The following SPAG16 variants were observed in gnomAD, a reference collection of about 807,000 sequenced individuals.
SPAG16 encodes sperm associated antigen 16.
SPAG16 carries 86 observed loss-of-function variants against 80.4 expected under a neutral mutation model. The ratio of observed to expected loss-of-function variants is 1.07; its 90% CI spans 0.90 to 1.28. SPAG16 has a LOEUF of 1.28. Among genes scored for constraint, SPAG16 ranks in the 50% most tolerant of loss-of-function variants. The pLI is 0.00. For missense variants in SPAG16, 870 were observed against 765.3 expected, an observed-to-expected ratio of 1.14 and a Z score of -1.61; for synonymous variants, 294 against 265.9, an observed-to-expected ratio of 1.11 and a Z score of -1.03.
chr2:214,350,930 C>T (rs903317055), intron 15 of SPAG16, among the ~76,000 whole-genome samples: 3 of 152,108 alleles, frequency 2.0e-5, no homozygotes, highest in Non-Finnish European at 2.9e-5. Context: ...TGCCCCAAAA[C>T]ATCAGCTAAA....
At chr2:214,036,240 C>T (rs1016154564) in intron 13 of SPAG16, among the ~76,000 whole-genome samples, 4 of 152,052 alleles carry the variant, frequency 2.6e-5, no homozygotes, top group Non-Finnish European at 2.9e-5. Flanking sequence ...TTCAAGTAGG[C>T]CACAGTTGCC....
intron 10 of SPAG16, among the ~76,000 whole-genome samples, chr2:213,846,156 T>A (rs550745392): frequency 6.6e-6 from 1 of 152,298 alleles, no homozygotes; most frequent in East Asian, 1.9e-4. Flanking sequence ...ATTTTTAAGA[T>A]TGTTGAAAAT....
intron 10 of SPAG16, among the ~76,000 whole-genome samples, chr2:213,806,070 T>C (rs1200625553): frequency 6.6e-6 from 1 of 152,188 alleles, no homozygotes; most frequent in African/African-American, 2.4e-5. Context: ...TGATTGCTGA[T>C]ATAAAATTGA....
At chr2:214,349,767 T>C (rs1366220329) in intron 15 of SPAG16, among the ~76,000 whole-genome samples, 1 of 152,242 alleles carries the variant, frequency 6.6e-6, no homozygotes, top group Non-Finnish European at 1.5e-5. Flanking sequence ...TTTTTTGTTT[T>C]AGTTATTCTA....
At position 213,451,559 on chromosome 2, in the gene SPAG16, A is replaced by G. The variant is rs540573934; in HGVS notation, c.943-38404A>G. 6.8e-4 allele frequency among the ~76,000 whole-genome samples: 104 copies of G among 152,334 alleles called. No individual in the cohort carries two copies. In the South Asian group the frequency reaches 0.01, roughly 15 times the overall value. On this transcript the variant is annotated intron_variant, in intron 9 of 15. Transcript: ENST00000331683. ...TTTTGGTCTCATGGCCAAGGAAATC[A>G]AAGACTCAGACGCACACACGCATAG...
At chr2:213,756,371 C>T (rs570773194) in intron 10 of SPAG16, among the ~76,000 whole-genome samples, 1 of 152,188 alleles carries the variant, frequency 6.6e-6, no homozygotes, top group East Asian at 1.9e-4. Flanking sequence ...CTCCTGTAGT[C>T]CCAGCTATTC....
At chr2:213,799,253 AT>A (rs2125632248) in intron 10 of SPAG16, among the ~76,000 whole-genome samples, 1 of 152,208 alleles carries the variant, frequency 6.6e-6, no homozygotes, top group East Asian at 1.9e-4. Flanking sequence ...TCTTTCAGCA[AT>A]GTTTTATAGT....
At chr2:214,348,820 A>G (rs1266281428) in intron 15 of SPAG16, among the ~76,000 whole-genome samples, 1 of 152,236 alleles carries the variant, frequency 6.6e-6, no homozygotes, top group Non-Finnish European at 1.5e-5. Flanking sequence ...ATCATGAGCT[A>G]TAAGAATATG....
intron 3 of SPAG16, among the ~76,000 whole-genome samples, chr2:213,304,721 T>A (rs2062871370): frequency 6.6e-6 from 1 of 152,066 alleles, no homozygotes; most frequent in Admixed American, 6.6e-5. Context: ...TGCTCTGTTC[T>A]GTTGGTCTAT....
chr2:213,786,035 A>T (rs1020817119), intron 10 of SPAG16, among the ~76,000 whole-genome samples: 3 of 152,078 alleles, frequency 2.0e-5, no homozygotes, highest in African/African-American at 7.2e-5. Context: ...TTATATATAG[A>T]CAGCAATTCA....
intron 10 of SPAG16, among the ~76,000 whole-genome samples, chr2:213,597,146 A>C (rs1047198272): frequency 6.6e-6 from 1 of 152,196 alleles, no homozygotes; most frequent in African/African-American, 2.4e-5. Flanking sequence ...AATTCAGTAG[A>C]GGTGACTCAC....
chr2:213,737,817 T>G (rs1027869085), intron 10 of SPAG16, among the ~76,000 whole-genome samples: 1 of 152,182 alleles, frequency 6.6e-6, no homozygotes. Context: ...ATGTATACTT[T>G]CTTCTTAACA....
intron 15 of SPAG16, among the ~76,000 whole-genome samples, chr2:214,285,383 G>A (rs1372007429): frequency 6.6e-6 from 1 of 151,924 alleles, no homozygotes; most frequent in East Asian, 1.9e-4. Flanking sequence ...TGGATATTAA[G>A]CCCTTATCAG....
chr2:214,080,498 C>T (rs868690523), intron 13 of SPAG16, among the ~76,000 whole-genome samples: 47 of 149,372 alleles, frequency 3.1e-4, no homozygotes, highest in African/African-American at 1.1e-3. Flanking sequence ...GTCCCAGCTA[C>T]TCGGGAGGCT....
At chr2:214,155,392 T>C (rs2056169260) in intron 15 of SPAG16, among the ~76,000 whole-genome samples, 1 of 152,222 alleles carries the variant, frequency 6.6e-6, no homozygotes, top group Admixed American at 6.5e-5. Flanking sequence ...TGGAGCTTTA[T>C]TGGAACACAA....
intron 10 of SPAG16, among the ~76,000 whole-genome samples, chr2:213,656,227 G>T (rs751666066): frequency 3.3e-5 from 5 of 152,120 alleles, no homozygotes; most frequent in Non-Finnish European, 7.4e-5. Context: ...ACGGAGTCTC[G>T]CTCTGTCGCC....
At position 214,144,212 on chromosome 2, in the gene SPAG16, T is replaced by C. The variant is rs80241713; in HGVS notation, c.1594-4928T>C. Among the ~76,000 whole-genome samples, 478 of 152,198 alleles carry C rather than the reference T, an allele frequency of 3.1e-3. 11 individuals are homozygous for C. In the East Asian group the frequency reaches 0.033, roughly 11 times the overall value. Reference sequence around the variant, plus strand: ...AAAGCTCATGAAATAAATAGTAATATGTTTGGCAATGATATTTGAATAATA... The same window carrying C: ...AAAGCTCATGAAATAAATAGTAATACGTTTGGCAATGATATTTGAATAATA... On this transcript the variant is annotated intron_variant, in intron 14 of 15. Coordinates refer to ENST00000331683, the MANE Select transcript of SPAG16 (RefSeq NM_024532.5).
chr2:214,186,858 C>T (rs2057495852), intron 15 of SPAG16, among the ~76,000 whole-genome samples: 1 of 152,024 alleles, frequency 6.6e-6, no homozygotes, highest in Admixed American at 6.6e-5. Flanking sequence ...CCCCTGTGTT[C>T]AAGCAATTGT....
intron 10 of SPAG16, among the ~76,000 whole-genome samples, chr2:213,507,756 G>T (rs756708006): frequency 3.3e-5 from 5 of 152,100 alleles, no homozygotes; most frequent in Non-Finnish European, 5.9e-5. Flanking sequence ...AGGATGATTC[G>T]ATCTCCCCAC....
Sources: gnomAD v4.1 joint callset for allele counts (sites outside exome capture counted in the v4.1 genomes callset) on GRCh38, gnomAD v4.1.1 for gene constraint, MANE v1.5 for transcripts, NCBI Gene and HGNC (gene_info 2026-07-23, HGNC 2026-07-21) for gene names.